Variants in RHBG observed in about 807,000 individuals in gnomAD.
RHBG encodes ammonium transporter Rh type B.
In RHBG, 39 loss-of-function variants were observed where a neutral mutation model predicts 40.1. The ratio of observed to expected loss-of-function variants is 0.97; its 90% CI spans 0.75 to 1.27. RHBG has a LOEUF of 1.27. Ranked by LOEUF, RHBG falls within the 50% of genes most tolerant of loss-of-function variation. The probability of loss-of-function intolerance (pLI) is 0.00; values close to 1 mark genes in which losing one functional copy is unlikely to be tolerated. For synonymous variants in RHBG, 237 were observed against 252.5 expected (o/e 0.94, Z 0.58); for missense variants, 549 against 588.1 (o/e 0.93, Z 0.69).
chr1:156,377,376 G>T lies in RHBG; in HGVS notation c.263G>T (p.Ser88Ile). Residue 88 changes from serine (S) to isoleucine (I), a missense_variant, in exon 2 of 10, where the codon AGC becomes ATC. This residue lies in a region of RHBG where 51 missense variants were observed against 85.9 expected (regional missense o/e 0.59). Coordinates refer to ENST00000537040, the MANE Select transcript of RHBG (RefSeq NM_020407.5). The surrounding 1 kb of genome is among the most constrained non-coding windows in gnomAD (Gnocchi z 4.6). ...LMVFLQRYGF[S>I]SVGFTFLLAA... ...GTCTTCCTGCAGCGTTACGGCTTCA[G>T]CAGCGTGGGCTTCACCTTCCTCCTG... The T allele has an allele frequency of 1.9e-6, 3 of 1,614,158 alleles. No homozygotes were observed. The highest frequency in any genetic ancestry group is 2.5e-6 in the Non-Finnish European group (3 of 1,179,952).
chr1:156,371,178 T>C, intron 1 of RHBG: 1 of 428,754 alleles, frequency 2.3e-6, no homozygotes, highest in Non-Finnish European at 4.6e-6. Flanking sequence ...TTTTTTTTTT[T>C]TAGAAGAGTC....
At chr1:156,373,374 TG>T (rs1666977360) in intron 1 of RHBG, among the ~76,000 whole-genome samples, 2 of 149,388 alleles carry the variant, frequency 1.3e-5, no homozygotes, top group Admixed American at 1.4e-4. Flanking sequence ...TGCAGTGAGC[TG>T]TAATGGCACC....
intron 1 of RHBG, among the ~76,000 whole-genome samples, chr1:156,374,025 A>G (rs1667021303): frequency 6.6e-6 from 1 of 151,946 alleles, no homozygotes; most frequent in Admixed American, 6.5e-5. Flanking sequence ...GTCACTCTAC[A>G]GTGCTATAGG....
chr1:156,382,717 C>T (rs752858125), intron 7 of RHBG, 31 bp from the exon 8 acceptor site: 8 of 1,613,220 alleles, frequency 5.0e-6, no homozygotes, highest in Admixed American at 3.3e-5. Flanking sequence ...TCTCCCTACC[C>T]CTGCCTTTCC....
At chr1:156,372,906 C>T (rs1305910152) in intron 1 of RHBG, among the ~76,000 whole-genome samples, 5 of 152,186 alleles carry the variant, frequency 3.3e-5, no homozygotes, top group African/African-American at 9.7e-5. Flanking sequence ...ATTCTCCTGC[C>T]TCAGCCTCCC....
rs750631213 is a variant in RHBG at position 156,378,376 on chromosome 1, A to G, written c.650A>G (p.His217Arg). Residue 217 changes from histidine (H) to arginine (R), a missense_variant, in exon 4 of 10, where the codon CAT becomes CGT. By Grantham distance (29) the His-to-Arg change is conservative. Around this residue, in one of 3 missense-constraint regions of RHBG, gnomAD observed 399 missense variants for 417.0 expected, o/e 0.96. Coordinates refer to ENST00000537040, the MANE Select transcript of RHBG (RefSeq NM_020407.5). Reference protein sequence around the residue: ...KSKHRQGSVYHSDLFAMIGTI... With the variant: ...KSKHRQGSVYRSDLFAMIGTI... ...AAGCACCGCCAGGGCTCCGTCTACCATTCAGACCTCTTCGCCATGATTGGT... is the reference window on the plus strand; with the variant it reads ...AAGCACCGCCAGGGCTCCGTCTACCGTTCAGACCTCTTCGCCATGATTGGT... The G allele has an allele frequency of 6.2e-7, 1 of 1,608,216 alleles. No homozygotes were observed.
intron 4 of RHBG, among the ~76,000 whole-genome samples, chr1:156,379,576 A>T (rs955774420): frequency 6.6e-6 from 1 of 152,090 alleles, no homozygotes; most frequent in Non-Finnish European, 1.5e-5. Context: ...CAAGTTTTCC[A>T]GGCATTCCCA....
intron 4 of RHBG, among the ~76,000 whole-genome samples, chr1:156,380,142 GCT>G (rs71746073): frequency 0.42 from 55,157 of 130,790 alleles, 11,069 homozygotes; most frequent in East Asian, 0.54. Context: ...ATGGAGTCTT[GCT>G]CTGTCTCCCA....
intron 1 of RHBG, among the ~76,000 whole-genome samples, chr1:156,375,818 C>T (rs890881054): frequency 2.0e-5 from 3 of 151,822 alleles, no homozygotes; most frequent in African/African-American, 7.3e-5. Context: ...CGGCTCACTG[C>T]AACCTCCACC....
intron 1 of RHBG, chr1:156,371,489 C>A: frequency 4.8e-6 from 1 of 210,084 alleles, no homozygotes. Flanking sequence ...ATGCAGAGCT[C>A]ATCAGCAGGC....
intron 7 of RHBG, chr1:156,382,496 G>A: frequency 1.6e-6 from 1 of 636,942 alleles, no homozygotes; most frequent in Non-Finnish European, 2.7e-6. Flanking sequence ...GTGGGCAAAA[G>A]CAACCCGCAA....
intron 4 of RHBG, among the ~76,000 whole-genome samples, chr1:156,378,995 T>G (rs1405011992): frequency 1.3e-5 from 2 of 148,974 alleles, no homozygotes; most frequent in Non-Finnish European, 3.0e-5. Flanking sequence ...TGCTTCTTCT[T>G]CTTTTTTTTT....
intron 4 of RHBG, among the ~76,000 whole-genome samples, chr1:156,378,986 G>T (rs2764405): frequency 0.36 from 54,723 of 150,524 alleles, 10,712 homozygotes; most frequent in Non-Finnish European, 0.45. Flanking sequence ...ACCACCTGCT[G>T]CTTCTTCTTC....
chr1:156,377,546 G>A lies in RHBG; in HGVS notation c.374+59G>A. On this transcript the variant is annotated intron_variant, in intron 2 of 9. Transcript: ENST00000537040. This position sits in a 1 kb window ranked among gnomAD's most constrained non-coding sequence, Gnocchi z 4.6. The stretch of plus-strand genomic sequence containing the variant: ...TTCACTCGGGAGGCCCCTGCCCATG[G>A]GCCCCGGATCTAGCCCTGTCCTTCA... The A allele has an allele frequency of 6.5e-7, 1 of 1,544,160 alleles. No homozygotes were observed. Among genetic ancestry groups the A allele is most frequent in the Non-Finnish European group, 8.8e-7 (1 of 1,133,126 alleles).
At position 156,377,186 on chromosome 1, in the gene RHBG, G is replaced by A. The variant is rs902431512; in HGVS notation, c.188-115G>A. 23 of 1,202,738 alleles carry A rather than the reference G, an allele frequency of 1.9e-5. No individual in the cohort carries two copies. Among genetic ancestry groups the A allele is most frequent in the Admixed American group, 1.1e-4 (5 of 46,882 alleles). The allele number at this position is 1,202,738 out of a possible 1,614,324, so 74.5% of individuals were successfully genotyped here. Reference sequence around the variant, plus strand: ...CATGCCTGGGGAGTTTTATAGGCTCGGCTCAAGGCAGCCCTGGCTGGTGAG... The same window carrying A: ...CATGCCTGGGGAGTTTTATAGGCTCAGCTCAAGGCAGCCCTGGCTGGTGAG... On this transcript the variant is annotated intron_variant, in intron 1 of 9. Coordinates refer to ENST00000537040, the MANE Select transcript of RHBG (RefSeq NM_020407.5). This position sits in a 1 kb window ranked among gnomAD's most constrained non-coding sequence, Gnocchi z 4.6.
At chr1:156,375,105 C>T (rs564416844) in intron 1 of RHBG, among the ~76,000 whole-genome samples, 1 of 151,766 alleles carries the variant, frequency 6.6e-6, no homozygotes, top group South Asian at 2.1e-4. Flanking sequence ...GAGTTTCGCT[C>T]TTGTTGCCCA....
In RHBG at chr1:156,377,926, G is replaced by A. The variant is rs1667327497; in HGVS notation, c.375-64G>A. 2.1e-6 allele frequency: 3 copies of A among 1,429,444 alleles called. No homozygotes were observed. The highest frequency in any genetic ancestry group is 2.9e-5 in the African/African-American group (2 of 69,968). The allele number at this position is 1,429,444 out of a possible 1,614,324, so 88.5% of individuals were successfully genotyped here. Reference sequence around the variant, plus strand: ...ATCATGCTGTCCTGGCTTCATGCCAGGCAGGAACCCCGAGGCCAGCCTCTC... The same window carrying A: ...ATCATGCTGTCCTGGCTTCATGCCAAGCAGGAACCCCGAGGCCAGCCTCTC... On this transcript the variant is annotated intron_variant, in intron 2 of 9. Transcript: ENST00000537040. The surrounding 1 kb of genome is among the most constrained non-coding windows in gnomAD (Gnocchi z 4.6).
chr1:156,379,109 C>T (rs1667437246), intron 4 of RHBG, among the ~76,000 whole-genome samples: 1 of 152,010 alleles, frequency 6.6e-6, no homozygotes. Flanking sequence ...ATTCTCCTGC[C>T]TCATCCTCCC....
Position 156,382,113 on chromosome 1 carries a change from C to T in RHBG, c.1024C>T (p.His342Tyr), listed in dbSNP as rs775197907. 112 of 1,613,656 alleles carry T rather than the reference C, an allele frequency of 6.9e-5. No individual in the cohort carries two copies. The highest frequency in any genetic ancestry group is 8.6e-5 in the Non-Finnish European group (101 of 1,179,748). ...KFKVQDTCGV[H>Y]NLHGMPGVLG... ...CAAAGTCCAAGACACATGTGGAGTC[C>T]ACAACCTCCATGGGATGCCGGGGGT... The change falls in exon 7 of 10, where the codon CAC becomes TAC. Residue 342 changes from histidine to tyrosine, a missense_variant. By Grantham distance (83) the His-to-Tyr change is moderately conservative (BLOSUM62 2). Transcript: ENST00000537040.
Sources: gnomAD v4.1 joint callset for allele counts (sites outside exome capture counted in the v4.1 genomes callset) on GRCh38, gnomAD v4.1.1 for gene constraint, gnomAD v4.1.1 regional missense constraint, Gnocchi (gnomAD v3.1) non-coding constraint, MANE v1.5 for transcripts, NCBI Gene and HGNC (gene_info 2026-07-23, HGNC 2026-07-21) for gene names.